Variants in L3MBTL4 observed in about 807,000 individuals in gnomAD.
The protein encoded by L3MBTL4 is L3MBTL histone methyl-lysine binding protein 4.
Under a neutral mutation model 84.5 loss-of-function variants are expected in L3MBTL4, and 70 were observed. The ratio of observed to expected loss-of-function variants is 0.83; its 90% CI spans 0.68 to 1.01. The LOEUF is 1.01. L3MBTL4 is among the 50% of genes least tolerant of loss of function. L3MBTL4 has a pLI of 0.00. For synonymous variants in L3MBTL4, 274 were observed against 259.8 expected, an observed-to-expected ratio of 1.05 and a Z score of -0.52; for missense variants, 715 against 754.8, an observed-to-expected ratio of 0.95 and a Z score of 0.62.
chr18:6,253,228 C>T (rs7235085), intron 5 of L3MBTL4, among the ~76,000 whole-genome samples: 13,188 of 152,070 alleles, frequency 0.087, 1,846 homozygotes, highest in African/African-American at 0.29. Flanking sequence ...AAACAAAAAA[C>T]CCTATATTGG....
chr18:6,102,916 A>T (rs1244348554), intron 14 of L3MBTL4, among the ~76,000 whole-genome samples: 1 of 152,208 alleles, frequency 6.6e-6, no homozygotes, highest in African/African-American at 2.4e-5. Flanking sequence ...GAAAAAATGC[A>T]TTAAGAGTGA....
chr18:6,191,126 A>G (rs528701956), intron 12 of L3MBTL4, among the ~76,000 whole-genome samples: 124 of 152,354 alleles, frequency 8.1e-4, no homozygotes, highest in Admixed American at 2.2e-3. Flanking sequence ...ACATGGTCAC[A>G]TGACATGATC....
intron 16 of L3MBTL4, among the ~76,000 whole-genome samples, chr18:5,995,526 T>C (rs564845512): frequency 6.6e-6 from 1 of 152,348 alleles, no homozygotes; most frequent in African/African-American, 2.4e-5. Flanking sequence ...GGAGATGCTT[T>C]CAAGTAAGCT....
chr18:6,005,718 C>A (rs1018560370), intron 16 of L3MBTL4, among the ~76,000 whole-genome samples: 1 of 152,042 alleles, frequency 6.6e-6, no homozygotes, highest in Admixed American at 6.5e-5. Flanking sequence ...TGTACCACAT[C>A]GTCTTTATCC....
Position 5,981,974 on chromosome 18 carries a change from C to CTCTGTG in L3MBTL4, c.1445-12413_1445-12412insCACAGA, listed in dbSNP as rs1555622566. 7.3e-5 allele frequency among the ~76,000 whole-genome samples: 10 copies of CTCTGTG among 137,430 alleles called. No homozygotes were observed. In the East Asian group the frequency reaches 1.5e-3, roughly 20 times the overall value. The allele number at this position is 137,430 out of a possible 152,430, so 90.2% of individuals were successfully genotyped here. ...AAAGGAACAAAAAGGTTTCAATATT[C>CTCTGTG]TGTGTGTGTGTGTGTGTGTGTGTGT... On this transcript the variant is annotated intron_variant, in intron 16 of 18. Coordinates refer to ENST00000317931, the MANE Select transcript of L3MBTL4 (RefSeq NM_001330559.2).
At chr18:6,108,139 A>G (rs538909801) in intron 14 of L3MBTL4, among the ~76,000 whole-genome samples, 7 of 152,174 alleles carry the variant, frequency 4.6e-5, no homozygotes, top group East Asian at 1.9e-4. Flanking sequence ...AGTGTCACGC[A>G]TGGTCCCTGG....
At chr18:6,023,767 G>A (rs906924444) in intron 16 of L3MBTL4, among the ~76,000 whole-genome samples, 15 of 152,308 alleles carry the variant, frequency 9.8e-5, no homozygotes, top group African/African-American at 3.6e-4. Flanking sequence ...CTTCAGCCAC[G>A]CGGGGAAGAG....
Position 6,288,933 on chromosome 18 carries a change from T to C in L3MBTL4, c.127+12970A>G, listed in dbSNP as rs149279266. On this transcript the variant is annotated intron_variant, in intron 4 of 18. Coordinates refer to ENST00000317931, the MANE Select transcript of L3MBTL4 (RefSeq NM_001330559.2). Reference sequence around the variant, plus strand: ...CAAATAAGATAAAAACTGAAACAAATTGCTGAATAAATATAAGTCCCTTCT... The same window carrying C: ...CAAATAAGATAAAAACTGAAACAAACTGCTGAATAAATATAAGTCCCTTCT... Among the ~76,000 whole-genome samples the C allele has an allele frequency of 4.6e-3, 693 of 151,868 alleles. 8 individuals are homozygous for C. Among genetic ancestry groups the C allele is most frequent in the African/African-American group, 0.016 (644 of 41,538 alleles).
intron 16 of L3MBTL4, among the ~76,000 whole-genome samples, chr18:5,995,283 G>C (rs578189985): frequency 5.9e-5 from 9 of 152,332 alleles, no homozygotes; most frequent in African/African-American, 1.7e-4. Context: ...GAACATTCTC[G>C]CCATTGTGTG....
Position 6,374,124 on chromosome 18 carries a change from C to T in L3MBTL4, c.-91+40677G>A, listed in dbSNP as rs1303080146. On this transcript the variant is annotated intron_variant, in intron 1 of 18. Transcript: ENST00000317931. ...CACACAAACAGCAGATGTACATGCC[C>T]GCCCTTCACACTCCTGCTACATCTT... Among the ~76,000 whole-genome samples, 10 of 152,312 alleles carry T rather than the reference C, an allele frequency of 6.6e-5. No homozygotes were observed. The South Asian group carries it at 1.5e-3, about 22-fold the overall frequency.
intron 4 of L3MBTL4, among the ~76,000 whole-genome samples, chr18:6,265,674 T>C (rs527817620): frequency 2.0e-5 from 3 of 152,272 alleles, no homozygotes; most frequent in East Asian, 3.9e-4. Flanking sequence ...TCCTTACTTA[T>C]GCTAAGTGAA....
chr18:5,975,741 C>A (rs1023082233), intron 16 of L3MBTL4, among the ~76,000 whole-genome samples: 1 of 152,184 alleles, frequency 6.6e-6, no homozygotes, highest in African/African-American at 2.4e-5. Context: ...ATGTGCAGGA[C>A]AACTGTCTAT....
At chr18:6,225,369 G>A (rs2046736193) in intron 10 of L3MBTL4, among the ~76,000 whole-genome samples, 1 of 152,234 alleles carries the variant, frequency 6.6e-6, no homozygotes, top group Non-Finnish European at 1.5e-5. Context: ...GTGCTCAAGG[G>A]AAAGGTTAGG....
intron 17 of L3MBTL4, among the ~76,000 whole-genome samples, chr18:5,961,636 A>G (rs1466245474): frequency 1.3e-5 from 2 of 152,182 alleles, no homozygotes; most frequent in East Asian, 3.8e-4. Context: ...TCATGCAAGG[A>G]CACCTCCAAG....
chr18:5,958,353 C>G (rs530812790), intron 18 of L3MBTL4, among the ~76,000 whole-genome samples: 1 of 152,278 alleles, frequency 6.6e-6, no homozygotes, highest in South Asian at 2.1e-4. Flanking sequence ...GGAGGAAACA[C>G]TTTTTCCCTC....
At chr18:6,066,408 T>C (rs2057400424) in intron 16 of L3MBTL4, among the ~76,000 whole-genome samples, 1 of 152,160 alleles carries the variant, frequency 6.6e-6, no homozygotes, top group African/African-American at 2.4e-5. Context: ...TGTTTCTTTG[T>C]TGAGTTTCTG....
rs145079535 is a variant in L3MBTL4 at position 6,056,010 on chromosome 18, C to A, written c.1444+24871G>T. Among the ~76,000 whole-genome samples, 617 of 152,116 alleles carry A rather than the reference C, an allele frequency of 4.1e-3. 2 individuals carry two copies. Among genetic ancestry groups the A allele is most frequent in the Middle Eastern group, 0.014 (4 of 294 alleles). On this transcript the variant is annotated intron_variant, in intron 16 of 18. Coordinates refer to ENST00000317931, the MANE Select transcript of L3MBTL4 (RefSeq NM_001330559.2). ...CTCAGAGTTGCACTGGTCAGCCAGG[C>A]GGAAAACGCCTCAGTGTTTCGGGGG...
At chr18:6,252,110 A>C (rs1781150328) in intron 5 of L3MBTL4, among the ~76,000 whole-genome samples, 2 of 152,270 alleles carry the variant, frequency 1.3e-5, no homozygotes, top group South Asian at 4.1e-4. Flanking sequence ...TCAGGAGTTC[A>C]AGAAGAGCCT....
At chr18:6,071,292 G>A (rs2057585380) in intron 16 of L3MBTL4, among the ~76,000 whole-genome samples, 1 of 151,648 alleles carries the variant, frequency 6.6e-6, no homozygotes, top group South Asian at 2.1e-4. Context: ...TTGTGAGGCT[G>A]AGGCATCAGA....
Sources: allele counts gnomAD v4.1 joint callset (sites outside exome capture counted in the v4.1 genomes callset), GRCh38; gene constraint gnomAD v4.1.1; transcripts MANE v1.5; gene names NCBI Gene and HGNC (gene_info 2026-07-23, HGNC 2026-07-21).